AFAP1: variants seen among roughly 807,000 people sequenced by gnomAD.
The protein encoded by AFAP1 is actin filament-associated protein 1.
AFAP1 carries 75 observed loss-of-function variants against 93.9 expected under a neutral mutation model. That is an observed-to-expected ratio of 0.80 (90% CI 0.66 to 0.97). The LOEUF is 0.97. AFAP1 is among the 50% of genes least tolerant of loss of function. The pLI is 0.00. For missense variants in AFAP1, 1,201 were observed against 1,050.8 expected (o/e 1.14, Z -1.98); for synonymous variants, 517 against 430.7 (o/e 1.20, Z -2.48).
chr4:7,839,051 T>A (rs1370892786), intron 5 of AFAP1, among the ~76,000 whole-genome samples: 1 of 152,120 alleles, frequency 6.6e-6, no homozygotes, highest in East Asian at 1.9e-4. Context: ...AATAAAAACA[T>A]AGGCTGGGCA....
rs375076164 is a variant in AFAP1 at position 7,925,603 on chromosome 4, T to C, written c.-3+14053A>G. Among the ~76,000 whole-genome samples the C allele has an allele frequency of 1.5e-3, 233 of 152,236 alleles. 2 individuals carry two copies. The highest frequency in any genetic ancestry group is 5.3e-3 in the African/African-American group (220 of 41,556). On this transcript the variant is annotated intron_variant, in intron 1 of 17. Transcript: ENST00000420658. ...GGCTCACGCCTGTAATCCCAGCACTTTGGGTGGCCGAGTCAGGCGGATTAC... is the reference window on the plus strand; with the variant it reads ...GGCTCACGCCTGTAATCCCAGCACTCTGGGTGGCCGAGTCAGGCGGATTAC...
intron 3 of AFAP1, among the ~76,000 whole-genome samples, chr4:7,861,186 T>A (rs1351743375): frequency 1.3e-5 from 2 of 152,158 alleles, no homozygotes; most frequent in African/African-American, 2.4e-5. Context: ...AGCCAAAAAA[T>A]ATATAATTTG....
chr4:7,798,433 AGCATTGCAACCCTATTGGCTGGCTCACG>A (rs1560165387), intron 10 of AFAP1, among the ~76,000 whole-genome samples: 6 of 118,278 alleles, frequency 5.1e-5, no homozygotes, highest in East Asian at 6.0e-4. Flanking sequence ...GCTGGCTCAC[AGCATTGCAACCCTATTGGCTGGCTCACG>A]GCATTGCAAC....
intron 1 of AFAP1, among the ~76,000 whole-genome samples, chr4:7,930,810 G>A (rs986378701): frequency 2.0e-5 from 3 of 152,140 alleles, no homozygotes; most frequent in Non-Finnish European, 2.9e-5. Flanking sequence ...GAGTGCAGTG[G>A]TGCAATCTCA....
chr4:7,762,555 ACT>A lies in AFAP1; in HGVS notation c.*1208_*1209del, dbSNP rs915974250. On this transcript the variant is annotated 3_prime_UTR_variant, in exon 18 of 18. Coordinates refer to ENST00000420658, the MANE Select transcript of AFAP1 (RefSeq NM_001134647.2). ...GGGTAAATACCAGCTCAAACTATGA[ACT>A]CTGTTTTTTTCCTTTATGCCTTAGG... 5 of 152,164 alleles carry A rather than the reference ACT, an allele frequency of 3.3e-5. No homozygotes were observed. The highest frequency in any genetic ancestry group is 9.7e-5 in the African/African-American group (4 of 41,420). 9.4% of individuals were successfully genotyped at this position (152,164 alleles called of 1,614,324 possible).
chr4:7,874,450 G>C (rs1422704220), intron 1 of AFAP1, among the ~76,000 whole-genome samples: 2 of 132,336 alleles, frequency 1.5e-5, no homozygotes, highest in Admixed American at 8.7e-5. Context: ...TGCAAGTTCT[G>C]CCTCCTGGGC....
At chr4:7,805,184 T>C (rs1165048124) in intron 9 of AFAP1, among the ~76,000 whole-genome samples, 1 of 152,188 alleles carries the variant, frequency 6.6e-6, no homozygotes, top group Non-Finnish European at 1.5e-5. Flanking sequence ...TCCAGCTGCA[T>C]GCTACAGTGC....
chr4:7,863,662 G>A (rs1166338242), intron 3 of AFAP1, among the ~76,000 whole-genome samples: 1 of 152,034 alleles, frequency 6.6e-6, no homozygotes, highest in African/African-American at 2.4e-5. Flanking sequence ...ACATTAGCCA[G>A]GTGGAAAGAC....
At chr4:7,852,517 CCT>C (rs1714562656) in intron 4 of AFAP1, among the ~76,000 whole-genome samples, 1 of 152,042 alleles carries the variant, frequency 6.6e-6, no homozygotes, top group Admixed American at 6.5e-5. Flanking sequence ...CCTGAGTGCC[CCT>C]CTGTGTTCTC....
intron 1 of AFAP1, among the ~76,000 whole-genome samples, chr4:7,906,233 C>T (rs1027271112): frequency 6.6e-6 from 1 of 152,134 alleles, no homozygotes; most frequent in African/African-American, 2.4e-5. Flanking sequence ...CCTATGACCT[C>T]GCTGAAGGCT....
At chr4:7,770,728 A>AAGCCC (rs1045427806) in intron 16 of AFAP1, among the ~76,000 whole-genome samples, 15 of 152,150 alleles carry the variant, frequency 9.9e-5, no homozygotes, top group African/African-American at 3.1e-4. Flanking sequence ...AGAGCCCAGG[A>AAGCCC]AGCCCAGCCC....
At chr4:7,764,698 C>T (rs1206346507) in intron 17 of AFAP1, among the ~76,000 whole-genome samples, 3 of 152,234 alleles carry the variant, frequency 2.0e-5, no homozygotes, top group Admixed American at 2.0e-4. Context: ...GCAGTGCCAG[C>T]ACTGTGAAAG....
intron 1 of AFAP1, among the ~76,000 whole-genome samples, chr4:7,906,994 C>T (rs1187307320): frequency 8.7e-6 from 1 of 115,512 alleles, no homozygotes; most frequent in Non-Finnish European, 1.8e-5. Context: ...AAAAGCAAAA[C>T]TCCACCTCAA....
At chr4:7,811,876 G>T (rs1720077297) in intron 8 of AFAP1, among the ~76,000 whole-genome samples, 1 of 152,052 alleles carries the variant, frequency 6.6e-6, no homozygotes, top group Non-Finnish European at 1.5e-5. Flanking sequence ...GCATTTCTGT[G>T]TGACTTTAAA....
chr4:7,879,190 C>A (rs1717696667), intron 1 of AFAP1, among the ~76,000 whole-genome samples: 1 of 152,212 alleles, frequency 6.6e-6, no homozygotes, highest in East Asian at 1.9e-4. Context: ...CCCGTCTGCA[C>A]AGCCCAAAGA....
intron 9 of AFAP1, among the ~76,000 whole-genome samples, chr4:7,802,636 ATTCTTT>A (rs1719148156): frequency 8.5e-6 from 1 of 118,006 alleles, no homozygotes; most frequent in African/African-American, 3.3e-5. Context: ...CAATACATTT[ATTCTTT>A]TTTTTTTTTT....
intron 9 of AFAP1, 28 bp from the exon 10 acceptor site, chr4:7,800,681 C>T (rs778440484): frequency 4.3e-6 from 7 of 1,612,952 alleles, no homozygotes; most frequent in Non-Finnish European, 5.9e-6. Flanking sequence ...CACAGGTCAG[C>T]CGCCTCGGAC....
intron 17 of AFAP1, among the ~76,000 whole-genome samples, chr4:7,767,960 C>T (rs997270154): frequency 9.2e-5 from 14 of 152,200 alleles, no homozygotes. Flanking sequence ...CCTGCAGTCC[C>T]AGCTACTTGG....
rs1466967388 is a variant in AFAP1, at chr4:7,763,559, T to A, written c.*206A>T. 1 of 584,308 alleles carries A rather than the reference T, an allele frequency of 1.7e-6. No homozygotes were observed. The highest frequency in any genetic ancestry group is 1.9e-5 in the African/African-American group (1 of 53,196). The allele number at this position is 584,308 out of a possible 1,614,324, so 36.2% of individuals were successfully genotyped here. A position where few individuals can be genotyped will look rare whatever the true frequency, so the allele number is the denominator to read the frequency against. ...TTTTTAACAAAGTTGGGAACCAAAGTCTTACATCTTTTTTAAAGGCGCCAT... is the reference window on the plus strand; with the variant it reads ...TTTTTAACAAAGTTGGGAACCAAAGACTTACATCTTTTTTAAAGGCGCCAT... On this transcript the variant is annotated 3_prime_UTR_variant, in exon 18 of 18. Transcript: ENST00000420658.
Sources: gnomAD v4.1 joint callset for allele counts (sites outside exome capture counted in the v4.1 genomes callset) on GRCh38, gnomAD v4.1.1 for gene constraint, MANE v1.5 for transcripts, NCBI Gene and HGNC (gene_info 2026-07-23, HGNC 2026-07-21) for gene names.